Variants in ZNF326 observed in about 807,000 individuals in gnomAD.
ZNF326 encodes DBIRD complex subunit ZNF326.
Under a neutral mutation model 63.1 loss-of-function variants are expected in ZNF326, and 30 were observed. The observed-to-expected ratio is 0.48, with a 90% CI of 0.36 to 0.64. ZNF326 has a LOEUF of 0.64. ZNF326 is among the 30% of genes least tolerant of loss of function. The probability of loss-of-function intolerance (pLI) is 0.00; values close to 1 mark genes in which losing one functional copy is unlikely to be tolerated. For missense variants in ZNF326, 609 were observed against 720.3 expected (o/e 0.85, Z 1.77); for synonymous variants, 194 against 228.2 (o/e 0.85, Z 1.35).
At chr1:90,008,221 A>C (rs1014920092) in intron 5 of ZNF326, among the ~76,000 whole-genome samples, 24 of 152,268 alleles carry the variant, frequency 1.6e-4, no homozygotes, top group African/African-American at 5.5e-4. Flanking sequence ...CAGGAGACTA[A>C]AAGTTGATGA....
At chr1:90,010,347 C>CT in intron 6 of ZNF326, 61 bp downstream of exon 6, 1 of 1,537,942 alleles carries the variant, frequency 6.5e-7, no homozygotes, top group Non-Finnish European at 8.8e-7. Context: ...AAATTCCATA[C>CT]TTTTTGGTAA....
rs2801994 is a variant in ZNF326, at chr1:90,004,735, A to G, written c.62-268A>G. On this transcript the variant is annotated intron_variant, in intron 2 of 11. Coordinates refer to ENST00000340281, the MANE Select transcript of ZNF326 (RefSeq NM_182976.4). Reference sequence around the variant, plus strand: ...TCTCATAACCCAGTCTCAAAAGAAAATAAAAATAATTCTAATATAGAACTT... The same window carrying G: ...TCTCATAACCCAGTCTCAAAAGAAAGTAAAAATAATTCTAATATAGAACTT... Among the ~76,000 whole-genome samples the G allele has an allele frequency of 8.6e-3, 1,313 of 151,928 alleles. 16 individuals carry two copies. The highest frequency in any genetic ancestry group is 0.03 in the African/African-American group (1,252 of 41,422).
chr1:90,031,512 T>C lies in ZNF326; in HGVS notation c.*3811T>C, dbSNP rs1320590290. 6.6e-6 allele frequency: 1 copy of C among 152,128 alleles called. No individual in the cohort carries two copies. Among genetic ancestry groups the C allele is most frequent in the Non-Finnish European group, 1.5e-5 (1 of 68,030 alleles). 9.4% of individuals were successfully genotyped at this position (152,128 alleles called of 1,614,324 possible). ...TATACATAGCATAAAATTACCATTC[T>C]AATCATTTTTTAATGTACCATTTAG... is the stretch of plus-strand genomic sequence containing the variant. On this transcript the variant is annotated 3_prime_UTR_variant, in exon 12 of 12. Coordinates refer to ENST00000340281, the MANE Select transcript of ZNF326 (RefSeq NM_182976.4).
rs1648303000 is a variant in ZNF326 at position 89,995,383 on chromosome 1, C to G, written c.16+110C>G. On this transcript the variant is annotated intron_variant, in intron 1 of 11. Transcript: ENST00000340281. The stretch of plus-strand genomic sequence containing the variant: ...CCGTGTGGGCTTTGTTCTGCGGGCC[C>G]GGAGGCCGCCCGCCCGCCCCGGGCC... 10 of 1,362,586 alleles carry G rather than the reference C, an allele frequency of 7.3e-6. 1 individual carries two copies. The South Asian group carries it at 1.3e-4, about 18-fold the overall frequency. The allele number at this position is 1,362,586 out of a possible 1,614,324, so 84.4% of individuals were successfully genotyped here.
At chr1:89,995,596 C>A (rs1648318800) in intron 1 of ZNF326, among the ~76,000 whole-genome samples, 1 of 152,266 alleles carries the variant, frequency 6.6e-6, no homozygotes, top group South Asian at 2.1e-4. Flanking sequence ...TCTCCAACTT[C>A]CCGGTCTCGG....
chr1:90,005,614 A>AT (rs1351738675), intron 4 of ZNF326: 1 of 928,940 alleles, frequency 1.1e-6, no homozygotes, highest in African/African-American at 1.8e-5. Flanking sequence ...TAATTAAAAA[A>AT]AATCTTTTCT....
chr1:90,029,475 C>A lies in ZNF326; in HGVS notation c.*1774C>A, dbSNP rs983850779. On this transcript the variant is annotated 3_prime_UTR_variant, in exon 12 of 12. Transcript: ENST00000340281. ...TTGAAAGCCGTTTTGCTTAGGAGTT[C>A]AAATTTTAAGGATAATAGGACTTGT... is the stretch of plus-strand genomic sequence containing the variant. The A allele has an allele frequency of 1.3e-5, 2 of 152,038 alleles. No individual in the cohort carries two copies. Among genetic ancestry groups the A allele is most frequent in the African/African-American group, 4.8e-5 (2 of 41,394 alleles). 9.4% of individuals were successfully genotyped at this position (152,038 alleles called of 1,614,324 possible). A position where few individuals can be genotyped will look rare whatever the true frequency, so the allele number is the denominator to read the frequency against.
chr1:89,998,031 T>G, intron 1 of ZNF326, 79 bp from the exon 2 acceptor site: 1 of 1,349,778 alleles, frequency 7.4e-7, no homozygotes, highest in South Asian at 1.3e-5. Flanking sequence ...ATTGTGCTTG[T>G]TTTTTACTGG....
At chr1:90,020,050 T>G (rs1198319603) in intron 9 of ZNF326, among the ~76,000 whole-genome samples, 1 of 152,150 alleles carries the variant, frequency 6.6e-6, no homozygotes, top group African/African-American at 2.4e-5. Context: ...AATACTGTAT[T>G]TGTTCAAATC....
chr1:90,010,170 C>T lies in ZNF326; in HGVS notation c.698C>T (p.Ala233Val), dbSNP rs1557521218. ...AAATCCACCAATGTGACAGTTGCTG[C>T]TGCAAGAGGAATAAAGAGAAAAATG... ...QNKSTNVTVAAARGIKRKMMQ... is the reference protein window; with the variant it reads ...QNKSTNVTVAVARGIKRKMMQ... The change falls in exon 6 of 12, where the codon GCT becomes GTT. Residue 233 changes from alanine (A) to valine (V), a missense_variant. Physicochemically the swap from Ala to Val is moderately conservative, Grantham distance 64. This residue lies in a region of ZNF326 where 399 missense variants were observed against 444.3 expected (regional missense o/e 0.90). Transcript: ENST00000340281. 1 of 1,613,808 alleles carries T rather than the reference C, an allele frequency of 6.2e-7. No individual in the cohort carries two copies.
At chr1:89,998,027 C>T in intron 1 of ZNF326, 83 bp from the exon 2 acceptor site, 1 of 1,277,900 alleles carries the variant, frequency 7.8e-7, no homozygotes, top group Non-Finnish European at 1.1e-6. Flanking sequence ...AAAAATTGTG[C>T]TTGTTTTTTA....
Position 90,016,513 on chromosome 1 carries a change from C to G in ZNF326, c.927-804C>G, listed in dbSNP as rs193104644. 3.7e-3 allele frequency among the ~76,000 whole-genome samples: 555 copies of G among 152,002 alleles called. 5 individuals carry two copies. The highest frequency in any genetic ancestry group is 0.013 in the African/African-American group (522 of 41,456). On this transcript the variant is annotated intron_variant, in intron 7 of 11. Transcript: ENST00000340281. ...GGCAGATCACCTGAGGTCAGGAGTTCAAGACCAGCCTGGCCAAGGTGGCAA... is the reference window on the plus strand; with the variant it reads ...GGCAGATCACCTGAGGTCAGGAGTTGAAGACCAGCCTGGCCAAGGTGGCAA...
intron 2 of ZNF326, among the ~76,000 whole-genome samples, chr1:90,002,864 G>A (rs937872055): frequency 2.0e-5 from 3 of 151,658 alleles, no homozygotes; most frequent in African/African-American, 4.9e-5. Flanking sequence ...TTGTAATATC[G>A]GCATTATTTG....
In ZNF326 at chr1:90,034,627, A is replaced by G. The variant is rs1039383735; in HGVS notation, c.*6926A>G. ...ATTAGCAAGTGGATAGCAATAAATC[A>G]ATTTTTAAAAATCAGACAAAAGAAA... is the stretch of plus-strand genomic sequence containing the variant. On this transcript the variant is annotated 3_prime_UTR_variant, in exon 12 of 12. Coordinates refer to ENST00000340281, the MANE Select transcript of ZNF326 (RefSeq NM_182976.4). 3.9e-5 allele frequency: 6 copies of G among 152,166 alleles called. No homozygotes were observed. The highest frequency in any genetic ancestry group is 3.3e-4 in the Admixed American group (5 of 15,278). 9.4% of individuals were successfully genotyped at this position (152,166 alleles called of 1,614,324 possible). A position where few individuals can be genotyped will look rare whatever the true frequency, so the allele number is the denominator to read the frequency against.
chr1:90,029,685 A>G lies in ZNF326; in HGVS notation c.*1984A>G, dbSNP rs1650178323. ...CTTTTGGGAAGAAAACCATTATGTA[A>G]CAAGAATCCTATGTAACAACTGGGT... On this transcript the variant is annotated 3_prime_UTR_variant, in exon 12 of 12. Coordinates refer to ENST00000340281, the MANE Select transcript of ZNF326 (RefSeq NM_182976.4). 6.6e-6 allele frequency: 1 copy of G among 152,226 alleles called. No homozygotes were observed. Among genetic ancestry groups the G allele is most frequent in the Non-Finnish European group, 1.5e-5 (1 of 68,026 alleles). The allele number at this position is 152,226 out of a possible 1,614,324, so 9.4% of individuals were successfully genotyped here. A position where few individuals can be genotyped will look rare whatever the true frequency, so the allele number is the denominator to read the frequency against.
In ZNF326 at chr1:89,995,196, C is replaced by G; in HGVS notation, c.-62C>G. On this transcript the variant is annotated 5_prime_UTR_variant, in exon 1 of 12. Coordinates refer to ENST00000340281, the MANE Select transcript of ZNF326 (RefSeq NM_182976.4). ...ATCGTGTGGAATCGCGGGTCGCGGA[C>G]GCTCGCCGCCGGCCATAGCTCAGCC... 1 of 1,520,044 alleles carries G rather than the reference C, an allele frequency of 6.6e-7. No individual in the cohort carries two copies. Among genetic ancestry groups the G allele is most frequent in the South Asian group, 1.2e-5 (1 of 82,332 alleles). The allele number at this position is 1,520,044 out of a possible 1,614,324, so 94.2% of individuals were successfully genotyped here.
chr1:90,023,292 T>C (rs2101091994), intron 11 of ZNF326, among the ~76,000 whole-genome samples: 1 of 152,334 alleles, frequency 6.6e-6, no homozygotes, highest in East Asian at 1.9e-4. Context: ...AGAGCTGTTG[T>C]GTTGAGGATT....
intron 6 of ZNF326, 145 bp downstream of exon 6, chr1:90,010,431 C>G (rs1269237769): frequency 2.3e-6 from 2 of 853,492 alleles, no homozygotes; most frequent in African/African-American, 3.4e-5. Context: ...TCCCCTATTG[C>G]AGTTAATAAT....
intron 2 of ZNF326, among the ~76,000 whole-genome samples, chr1:90,001,555 A>ATTT (rs34759229): frequency 2.8e-5 from 4 of 143,866 alleles, no homozygotes; most frequent in Non-Finnish European, 6.0e-5. Context: ...TCAGTTTTTA[A>ATTT]TTTTTTTTTT....
Sources: allele counts gnomAD v4.1 joint callset (sites outside exome capture counted in the v4.1 genomes callset), GRCh38; gene constraint gnomAD v4.1.1; regional missense constraint gnomAD v4.1.1; transcripts MANE v1.5; gene names NCBI Gene and HGNC (gene_info 2026-07-23, HGNC 2026-07-21).